Variants in SEL1L2 observed in about 807,000 individuals in gnomAD.
The protein encoded by SEL1L2 is protein sel-1 homolog 2.
Under a neutral mutation model 98.8 loss-of-function variants are expected in SEL1L2, and 89 were observed. That is an observed-to-expected ratio of 0.90 (90% CI 0.76 to 1.07). SEL1L2 has a LOEUF of 1.07. SEL1L2 is among the 50% of genes least tolerant of loss of function. The probability of loss-of-function intolerance (pLI) is 0.00; values close to 1 mark genes in which losing one functional copy is unlikely to be tolerated. For missense variants in SEL1L2, 788 were observed against 812.0 expected, an observed-to-expected ratio of 0.97 and a Z score of 0.36; for synonymous variants, 262 against 278.5, an observed-to-expected ratio of 0.94 and a Z score of 0.59.
intron 1 of SEL1L2, among the ~76,000 whole-genome samples, chr20:13,971,667 G>A (rs549762915): frequency 1.5e-4 from 23 of 151,310 alleles, no homozygotes; most frequent in Admixed American, 9.3e-4. Flanking sequence ...ACTCCTGAGC[G>A]CAGGTGATCC....
intron 2 of SEL1L2, among the ~76,000 whole-genome samples, chr20:13,932,978 C>T (rs1020257272): frequency 6.6e-6 from 1 of 151,812 alleles, no homozygotes; most frequent in South Asian, 2.1e-4. Context: ...GAGGTGGAGG[C>T]GTCCGGATTG....
At chr20:13,914,106 C>G (rs560575492) in intron 4 of SEL1L2, among the ~76,000 whole-genome samples, 162 bp from the exon 5 acceptor site, 3 of 152,166 alleles carry the variant, frequency 2.0e-5, no homozygotes, top group Non-Finnish European at 1.5e-5. Context: ...TTTTTCATTC[C>G]TAAAGCAGTC....
In SEL1L2 at chr20:13,885,389, T is replaced by C. The variant is rs1434396327; in HGVS notation, c.915A>G (p.Gln305=). The change falls in exon 10 of 20, where the codon CAA becomes CAG. Residue 305 remains glutamine (Q), a synonymous_variant. Transcript: ENST00000284951. ...GACCTTTCCTGCCAATTAGATGTAA[T>C]TGTCCAAGAGAGACCTAGGAATGAT... ...GDVQIQVSLG[Q]LHLIGRKGLD... is the part of the protein sequence containing the mutation. 1.9e-6 allele frequency: 3 copies of C among 1,603,322 alleles called. No homozygotes were observed. The highest frequency in any genetic ancestry group is 2.6e-6 in the Non-Finnish European group (3 of 1,170,176).
chr20:13,887,113 GGATA>G (rs2046993672), intron 8 of SEL1L2, among the ~76,000 whole-genome samples: 1 of 152,006 alleles, frequency 6.6e-6, no homozygotes, highest in South Asian at 2.1e-4. Flanking sequence ...TACTTCCTAT[GGATA>G]GTCTGAAAAT....
chr20:13,991,632 T>C (rs2052536477), upstream of SEL1L2, among the ~76,000 whole-genome samples: 2 of 152,186 alleles, frequency 1.3e-5, no homozygotes, highest in African/African-American at 4.8e-5. Flanking sequence ...GCCCCTCTTA[T>C]AAAGATACTT....
chr20:13,859,359 G>A lies in SEL1L2; in HGVS notation c.1721C>T (p.Ala574Val). ...GGCTGCAATGCTGTAGTGTGTGGCT[G>A]CTGTTTGATAGTCTTTCTTAGTCCC... is the stretch of plus-strand genomic sequence containing the variant. ...GYGTKKDYQT[A>V]ATHYSIAANK... The change falls in exon 18 of 20, where the codon GCA becomes GTA. Residue 574 changes from alanine (A) to valine (V), a missense_variant. By Grantham distance (64) the Ala-to-Val change is moderately conservative. Coordinates refer to ENST00000284951, the MANE Select transcript of SEL1L2 (RefSeq NM_025229.2). The A allele has an allele frequency of 1.2e-6, 2 of 1,614,070 alleles. No individual in the cohort carries two copies. The highest frequency in any genetic ancestry group is 1.1e-5 in the South Asian group (1 of 91,076).
intron 17 of SEL1L2, 76 bp from the exon 18 acceptor site, chr20:13,859,510 A>G (rs565178220): frequency 3.8e-6 from 5 of 1,308,504 alleles, no homozygotes; most frequent in African/African-American, 1.5e-5. Context: ...CAACCTAGTA[A>G]TCTTGTTTCA....
intron 18 of SEL1L2, 42 bp from the exon 19 acceptor site, chr20:13,850,361 G>C: frequency 6.2e-7 from 1 of 1,607,502 alleles, no homozygotes; most frequent in Non-Finnish European, 8.5e-7. Flanking sequence ...ATTCTGTAGG[G>C]GTAAGTAAAC....
At chr20:13,989,142 T>A (rs1351254207) in intron 1 of SEL1L2, among the ~76,000 whole-genome samples, 2 of 152,232 alleles carry the variant, frequency 1.3e-5, no homozygotes, top group Non-Finnish European at 2.9e-5. Context: ...TGTAGTGAAG[T>A]CTTCTTTAAC....
chr20:13,906,904 C>G (rs2047957324), intron 5 of SEL1L2, among the ~76,000 whole-genome samples: 1 of 152,162 alleles, frequency 6.6e-6, no homozygotes, highest in Non-Finnish European at 1.5e-5. Flanking sequence ...ATCTCAAACT[C>G]CTGACCTCAA....
chr20:13,876,095 A>T lies in SEL1L2; in HGVS notation c.1047T>A (p.Ala349=). The change falls in exon 12 of 20, where the codon GCT becomes GCA. Residue 349 remains alanine (A), a synonymous_variant. Transcript: ENST00000284951. ...CAGTAGCGTTATTTTGCGGCACGGC[A>T]GCATTCCCCTCTAAATACATCTAGG... is the stretch of plus-strand genomic sequence containing the variant. ...FIGKMYLEGN[A]AVPQNNATAF... 1.2e-6 allele frequency: 2 copies of T among 1,613,904 alleles called. No homozygotes were observed. The highest frequency in any genetic ancestry group is 1.7e-6 in the Non-Finnish European group (2 of 1,179,732).
chr20:13,876,139 A>T, intron 11 of SEL1L2, 24 bp from the exon 12 acceptor site: 1 of 1,554,468 alleles, frequency 6.4e-7, no homozygotes, highest in Non-Finnish European at 8.9e-7. Context: ...TGAAAAGAGG[A>T]TAGAAAAAAC....
intron 3 of SEL1L2, among the ~76,000 whole-genome samples, chr20:13,925,224 C>T (rs1240769744): frequency 6.6e-6 from 1 of 152,070 alleles, no homozygotes; most frequent in Admixed American, 6.5e-5. Flanking sequence ...CTTGTGAGTC[C>T]AGTAAGTCTT....
At chr20:13,994,427 C>A (rs2052594716), upstream of SEL1L2, among the ~76,000 whole-genome samples, 2 of 150,920 alleles carry the variant, frequency 1.3e-5, no homozygotes, top group Admixed American at 6.6e-5. Flanking sequence ...TCCCCCCTTT[C>A]TTCCTTTTCT....
At chr20:13,859,516 T>G in intron 17 of SEL1L2, 82 bp from the exon 18 acceptor site, 1 of 1,224,248 alleles carries the variant, frequency 8.2e-7, no homozygotes, top group Non-Finnish European at 1.1e-6. Context: ...AGTAATCTTG[T>G]TTCAGTCCTT....
chr20:13,891,425 T>C (rs2148021855), intron 5 of SEL1L2, among the ~76,000 whole-genome samples: 1 of 152,204 alleles, frequency 6.6e-6, no homozygotes, highest in Non-Finnish European at 1.5e-5. Context: ...TCCCAGTACT[T>C]TGGGAGGCCA....
At chr20:13,904,673 C>T (rs1394916018) in intron 5 of SEL1L2, among the ~76,000 whole-genome samples, 4 of 152,098 alleles carry the variant, frequency 2.6e-5, no homozygotes, top group Admixed American at 6.5e-5. Flanking sequence ...CCTGGTACTC[C>T]TCTCACCCTT....
intron 18 of SEL1L2, 130 bp from the exon 19 acceptor site, chr20:13,850,449 G>T: frequency 1.0e-6 from 1 of 960,522 alleles, no homozygotes. Context: ...GATTATCCAA[G>T]TGGACCTCAG....
intron 18 of SEL1L2, among the ~76,000 whole-genome samples, chr20:13,858,507 A>G (rs888763631): frequency 3.9e-5 from 6 of 152,192 alleles, no homozygotes; most frequent in African/African-American, 1.4e-4. Context: ...GGATAGTTCT[A>G]GGGCTTATCT....
Sources: allele counts gnomAD v4.1 joint callset (sites outside exome capture counted in the v4.1 genomes callset), GRCh38; gene constraint gnomAD v4.1.1; transcripts MANE v1.5; gene names NCBI Gene and HGNC (gene_info 2026-07-23, HGNC 2026-07-21).